INO80: variants seen among roughly 807,000 people sequenced by gnomAD.
The protein encoded by INO80 is chromatin-remodeling ATPase INO80.
INO80 carries 20 observed loss-of-function variants against 203.4 expected under a neutral mutation model. That is an observed-to-expected ratio of 0.10 (90% CI 0.07 to 0.14). The LOEUF (loss-of-function observed/expected upper bound fraction) is 0.14. Among genes scored for constraint, INO80 ranks in the 10% least tolerant of loss-of-function variants. The pLI is 1.00. For synonymous variants in INO80, 726 were observed against 685.2 expected (o/e 1.06, Z -0.93); for missense variants, 1,419 against 1,914.4 (o/e 0.74, Z 4.83).
At chr15:41,031,731 T>C (rs2044476544) in intron 24 of INO80, among the ~76,000 whole-genome samples, 1 of 151,842 alleles carries the variant, frequency 6.6e-6, no homozygotes. Flanking sequence ...CCCTTTCTCA[T>C]GCTCTTGAAT....
chr15:41,003,251 T>G (rs1042799263), intron 28 of INO80, among the ~76,000 whole-genome samples: 4 of 151,680 alleles, frequency 2.6e-5, no homozygotes, highest in African/African-American at 9.6e-5. Context: ...AGTATAAATA[T>G]AACCCTATAC....
At chr15:41,064,520 T>C (rs991577497) in intron 14 of INO80, among the ~76,000 whole-genome samples, 6 of 152,200 alleles carry the variant, frequency 3.9e-5, no homozygotes, top group Middle Eastern at 6.8e-3. Flanking sequence ...AAATAAACCA[T>C]AGATCAAAAA....
chr15:41,062,974 A>G (rs2045139828), intron 14 of INO80, among the ~76,000 whole-genome samples: 1 of 152,194 alleles, frequency 6.6e-6, no homozygotes, highest in East Asian at 1.9e-4. Flanking sequence ...AGGACATAAG[A>G]AAGGAGAGAA....
chr15:41,069,334 T>A (rs1319868196), intron 14 of INO80, among the ~76,000 whole-genome samples: 2 of 147,904 alleles, frequency 1.4e-5, no homozygotes, highest in East Asian at 4.0e-4. Flanking sequence ...GCCCGGCTAA[T>A]TTTTTTTTTG....
At chr15:41,044,846 T>C in intron 24 of INO80, 58 bp downstream of exon 24, 1 of 1,490,966 alleles carries the variant, frequency 6.7e-7, no homozygotes, top group Non-Finnish European at 9.0e-7. Context: ...TTTTTACTTA[T>C]TCAAGGAAAA....
At chr15:41,076,176 C>A (rs934528735) in intron 9 of INO80, among the ~76,000 whole-genome samples, 6 of 152,074 alleles carry the variant, frequency 3.9e-5, no homozygotes, top group Admixed American at 6.6e-5. Context: ...GCCTGGTCAA[C>A]ATGGAGAAAC....
intron 27 of INO80, among the ~76,000 whole-genome samples, chr15:41,011,927 G>A (rs2140450752): frequency 1.3e-5 from 2 of 152,318 alleles, no homozygotes; most frequent in Middle Eastern, 3.4e-3. Context: ...TGTTGGTAGA[G>A]TTCAAGATTT....
chr15:40,986,316 CTTTTTTTT>C (rs551165963), intron 31 of INO80, among the ~76,000 whole-genome samples: 2 of 90,674 alleles, frequency 2.2e-5, no homozygotes, highest in Non-Finnish European at 4.5e-5. Flanking sequence ...CTCCACAATG[CTTTTTTTT>C]TTTTTTTTTT....
At chr15:41,043,619 C>A (rs1487177290) in intron 24 of INO80, among the ~76,000 whole-genome samples, 1 of 152,152 alleles carries the variant, frequency 6.6e-6, no homozygotes, top group Non-Finnish European at 1.5e-5. Flanking sequence ...CTTCATTCTA[C>A]AACAGTAACT....
intron 28 of INO80, among the ~76,000 whole-genome samples, chr15:41,000,663 C>G (rs868040437): frequency 7.7e-6 from 1 of 129,270 alleles, no homozygotes; most frequent in Non-Finnish European, 1.6e-5. Context: ...CTACTGTGTT[C>G]TACTGCACTC....
In INO80 at chr15:41,021,088, C is replaced by T. The variant is rs1390377829; in HGVS notation, c.3086G>A (p.Arg1029Gln). The change falls in exon 26 of 36, where the codon CGA becomes CAA. Residue 1029 changes from arginine to glutamine, a missense_variant. Arg to Gln is a conservative substitution (Grantham distance 43, BLOSUM62 1). Around this residue, in one of 9 missense-constraint regions of INO80, gnomAD observed 302 missense variants for 345.4 expected, o/e 0.87. Transcript: ENST00000648947. ...AACTCGCCTTTCATATTCTGCACTT[C>T]GGTCATTGCAGTAAGAATCCAATGG... ...AVPLDSYCND[R>Q]SAEYERRVLK... 8 of 1,614,028 alleles carry T rather than the reference C, an allele frequency of 5.0e-6. No individual in the cohort carries two copies. The highest frequency in any genetic ancestry group is 2.7e-5 in the African/African-American group (2 of 74,928).
chr15:41,052,728 T>G (rs955694659), intron 19 of INO80, among the ~76,000 whole-genome samples: 1 of 146,494 alleles, frequency 6.8e-6, no homozygotes, highest in African/African-American at 2.5e-5. Context: ...AGGGAGAGAT[T>G]AAAAGATACT....
Position 41,058,797 on chromosome 15 carries a change from G to C in INO80, c.1843-16C>G. ...AGAGGGTCTTCTGTAAATATAAAAG[G>C]GGAAGGGTGAAAAGAGAAACCTAAT... On this transcript the variant is annotated splice_polypyrimidine_tract_variant and intron_variant, in intron 15 of 35. Coordinates refer to ENST00000648947, the MANE Select transcript of INO80 (RefSeq NM_017553.3). The C allele has an allele frequency of 6.2e-7, 1 of 1,605,458 alleles. No homozygotes were observed. Among genetic ancestry groups the C allele is most frequent in the South Asian group, 1.1e-5 (1 of 89,956 alleles).
intron 5 of INO80, 24 bp from the exon 6 acceptor site, chr15:41,087,706 G>T: frequency 6.3e-7 from 1 of 1,599,244 alleles, no homozygotes; most frequent in South Asian, 1.1e-5. Context: ...AGACCATGAT[G>T]GGCCTGTTTT....
At chr15:41,054,741 C>T (rs574466251) in intron 18 of INO80, among the ~76,000 whole-genome samples, 3 of 152,108 alleles carry the variant, frequency 2.0e-5, no homozygotes, top group African/African-American at 2.4e-5. Flanking sequence ...TGGGTTCAAG[C>T]GATTCACCCG....
chr15:41,020,723 C>A (rs111539848), intron 26 of INO80, among the ~76,000 whole-genome samples, 177 bp downstream of exon 26: 81 of 151,464 alleles, frequency 5.3e-4, no homozygotes, highest in African/African-American at 1.9e-3. Flanking sequence ...AAAAACATTT[C>A]TCTCTCCACT....
chr15:40,983,582 T>G (rs546201378), intron 34 of INO80, among the ~76,000 whole-genome samples, 180 bp downstream of exon 34: 6 of 152,176 alleles, frequency 3.9e-5, no homozygotes, highest in Non-Finnish European at 7.3e-5. Flanking sequence ...TAGAAAAGTT[T>G]TAAATCTTTA....
chr15:41,037,199 C>CT lies in INO80; in HGVS notation c.2907+7704dup, dbSNP rs796785451. Among the ~76,000 whole-genome samples the CT allele has an allele frequency of 4.0e-3, 564 of 142,700 alleles. 3 individuals carry two copies. Among genetic ancestry groups the CT allele is most frequent in the South Asian group, 0.024 (108 of 4,468 alleles). The allele number at this position is 142,700 out of a possible 152,430, so 93.6% of individuals were successfully genotyped here. On this transcript the variant is annotated intron_variant, in intron 24 of 35. Transcript: ENST00000648947. ...AGAGAAAGAGAACCACTTAATAGGA[C>CT]TTTTTTTTTTTTTAATGTTAAGCTT...
chr15:41,052,324 G>C (rs867307790), intron 19 of INO80, among the ~76,000 whole-genome samples: 22 of 151,940 alleles, frequency 1.4e-4, no homozygotes, highest in Non-Finnish European at 3.1e-4. Context: ...GAGAAAAAAA[G>C]ACTAAATAAA....
Sources: gnomAD v4.1 joint callset for allele counts (sites outside exome capture counted in the v4.1 genomes callset) on GRCh38, gnomAD v4.1.1 for gene constraint, gnomAD v4.1.1 regional missense constraint, MANE v1.5 for transcripts, NCBI Gene and HGNC (gene_info 2026-07-23, HGNC 2026-07-21) for gene names.